The following LIMCH1 variants were observed in gnomAD, a reference collection of about 807,000 sequenced individuals.
LIMCH1 encodes LIM and calponin homology domains 1, also known as LIM and calponin homology domains-containing protein 1.
LIMCH1 carries 113 observed loss-of-function variants against 176.5 expected under a neutral mutation model. That is an observed-to-expected ratio of 0.64 (90% CI 0.55 to 0.75). LIMCH1 has a LOEUF of 0.75. Among genes scored for constraint, LIMCH1 ranks in the 30% least tolerant of loss-of-function variants. The pLI is 0.00. For synonymous variants in LIMCH1, 619 were observed against 645.9 expected (o/e 0.96, Z 0.63); for missense variants, 1,674 against 1,814.9 (o/e 0.92, Z 1.41).
At chr4:41,609,451 G>C (rs1016681727) in intron 4 of LIMCH1, among the ~76,000 whole-genome samples, 4 of 152,160 alleles carry the variant, frequency 2.6e-5, no homozygotes, top group African/African-American at 9.7e-5. Flanking sequence ...CAACCAGAGG[G>C]TGGTGGGTGG....
At chr4:41,548,870 G>A (rs954638848) in intron 1 of LIMCH1, among the ~76,000 whole-genome samples, 1 of 152,158 alleles carries the variant, frequency 6.6e-6, no homozygotes, top group Non-Finnish European at 1.5e-5. Flanking sequence ...GACTGGAGGT[G>A]TAAAGAGCTG....
chr4:41,472,218 G>A (rs536671494), intron 1 of LIMCH1, among the ~76,000 whole-genome samples: 1 of 152,246 alleles, frequency 6.6e-6, no homozygotes, highest in East Asian at 1.9e-4. Flanking sequence ...TTTTTTTAAA[G>A]TACCATGTGT....
intron 2 of LIMCH1, among the ~76,000 whole-genome samples, chr4:41,500,190 T>TA (rs1179646894): frequency 6.6e-6 from 1 of 152,252 alleles, no homozygotes; most frequent in East Asian, 1.9e-4. Flanking sequence ...CTGTGAAAGA[T>TA]ACTCAAGTTG....
chr4:41,371,917 G>A (rs1446275601), intron 1 of LIMCH1, among the ~76,000 whole-genome samples: 5 of 152,212 alleles, frequency 3.3e-5, no homozygotes, highest in Admixed American at 6.5e-5. Flanking sequence ...GGAAATAAGA[G>A]AAGCATGCTT....
At chr4:41,697,130 C>CTTGTTTGTTG in intron 31 of LIMCH1, 30 bp from the exon 32 acceptor site, 1 of 1,612,768 alleles carries the variant, frequency 6.2e-7, no homozygotes. Context: ...GCCTACCACT[C>CTTGTTTGTTG]TTGTTTGTTG....
intron 1 of LIMCH1, among the ~76,000 whole-genome samples, chr4:41,568,285 C>A (rs2152574001): frequency 6.6e-6 from 1 of 152,298 alleles, no homozygotes; most frequent in East Asian, 1.9e-4. Flanking sequence ...ACTAAGAAAG[C>A]TTTCCTATCA....
In LIMCH1 at chr4:41,689,456, T is replaced by G. The variant is rs1723623093; in HGVS notation, c.4167-71T>G. 6 of 805,140 alleles carry G rather than the reference T, an allele frequency of 7.5e-6. No individual in the cohort carries two copies. The South Asian group carries it at 8.4e-5, about 11-fold the overall frequency. 49.9% of individuals were successfully genotyped at this position (805,140 alleles called of 1,614,324 possible). A position where few individuals can be genotyped will look rare whatever the true frequency, so the allele number is the denominator to read the frequency against. ...TCCATATTTTCATTTTTGCATGAGG[T>G]TACATGTCTGTGTGTTTGACCAGGT... On this transcript the variant is annotated intron_variant, in intron 29 of 31. Coordinates refer to ENST00000503057, the MANE Select transcript of LIMCH1 (RefSeq NM_001330672.2).
chr4:41,430,534 T>G (rs1478435013), intron 1 of LIMCH1, among the ~76,000 whole-genome samples: 1 of 152,244 alleles, frequency 6.6e-6, no homozygotes, highest in Non-Finnish European at 1.5e-5. Context: ...AGTGCTGGGA[T>G]TACAGGCTTG....
chr4:41,600,384 G>A (rs1032618629), intron 2 of LIMCH1, among the ~76,000 whole-genome samples: 2 of 152,130 alleles, frequency 1.3e-5, no homozygotes, highest in Non-Finnish European at 2.9e-5. Context: ...CGGGTGGCAA[G>A]TGACCAGAAA....
chr4:41,613,502 C>G lies in LIMCH1; in HGVS notation c.46C>G (p.Arg16Gly). 1 of 1,614,070 alleles carries G rather than the reference C, an allele frequency of 6.2e-7. No homozygotes were observed. Residue 16 changes from arginine to glycine, a missense_variant, in exon 5 of 32, where the codon CGA becomes GGA. By Grantham distance (125) the Arg-to-Gly change is moderately radical (BLOSUM62 -2). Coordinates refer to ENST00000503057, the MANE Select transcript of LIMCH1 (RefSeq NM_001330672.2). ...CATTGAAAGTCCTAAACGCAGTATC[C>G]GAGACAGTGGCTACATCGACTGCTG... ...DDIESPKRSI[R>G]DSGYIDCWDS... is the part of the protein sequence containing the mutation.
intron 2 of LIMCH1, chr4:41,524,313 C>A: frequency 1.1e-6 from 1 of 911,240 alleles, no homozygotes. Context: ...CACTGCTTTT[C>A]CTATCCAGCA....
rs2093408948 is a variant in LIMCH1 at position 41,633,071 on chromosome 4, C to G, written c.1815C>G (p.Asp605Glu). 6.5e-7 allele frequency: 1 copy of G among 1,534,738 alleles called. No homozygotes were observed. The highest frequency in any genetic ancestry group is 8.7e-7 in the Non-Finnish European group (1 of 1,146,204). ...ERLSKAERSE[D>E]SSQPLVCPLA... Reference sequence around the variant, plus strand: ...TGTCAAAGGCAGAAAGATCAGAGGACAGCAGCCAGCCACTGTGAGCATCTT... The same window carrying G: ...TGTCAAAGGCAGAAAGATCAGAGGAGAGCAGCCAGCCACTGTGAGCATCTT... Residue 605 changes from aspartate to glutamate, a missense_variant, in exon 12 of 32, where the codon GAC becomes GAG. Transcript: ENST00000503057.
intron 1 of LIMCH1, among the ~76,000 whole-genome samples, chr4:41,361,737 C>G (rs1048904185): frequency 9.8e-5 from 15 of 152,334 alleles, no homozygotes; most frequent in African/African-American, 3.6e-4. Context: ...TTCACGATGT[C>G]TATCAGTAGA....
intron 22 of LIMCH1, 22 bp downstream of exon 22, chr4:41,671,616 A>G (rs1279768548): frequency 6.6e-7 from 1 of 1,514,636 alleles, no homozygotes; most frequent in African/African-American, 1.4e-5. Flanking sequence ...ATTTTAAGGA[A>G]TAAGATTATG....
chr4:41,654,333 G>A (rs914654853), intron 18 of LIMCH1, among the ~76,000 whole-genome samples: 1 of 152,062 alleles, frequency 6.6e-6, no homozygotes, highest in East Asian at 1.9e-4. Flanking sequence ...AGATCACGAG[G>A]GTAAACAACC....
At position 41,575,456 on chromosome 4, in the gene LIMCH1, CTG is replaced by C. The variant is rs1397857437; in HGVS notation, c.-240-23462_-240-23461del. Among the ~76,000 whole-genome samples the C allele has an allele frequency of 5.3e-5, 8 of 152,244 alleles. 1 individual carries two copies. In the East Asian group the frequency reaches 1.5e-3, roughly 29 times the overall value. ...TTCTTTTGGAAATAATTTTCAAACA[CTG>C]TTTCATCATGCGGATATGACATTCT... On this transcript the variant is annotated intron_variant, in intron 1 of 31. Coordinates refer to ENST00000503057, the MANE Select transcript of LIMCH1 (RefSeq NM_001330672.2).
intron 20 of LIMCH1, among the ~76,000 whole-genome samples, chr4:41,665,348 C>CT (rs2152991972): frequency 6.6e-6 from 1 of 152,270 alleles, no homozygotes; most frequent in African/African-American, 2.4e-5. Flanking sequence ...AGGTTAATGA[C>CT]TGGTGGGTTG....
At chr4:41,692,621 T>TCAAAA in intron 31 of LIMCH1, 1 of 412,856 alleles carries the variant, frequency 2.4e-6, no homozygotes, top group Non-Finnish European at 4.4e-6. Context: ...CACCAGCAGG[T>TCAAAA]CAAAACATTG....
intron 2 of LIMCH1, among the ~76,000 whole-genome samples, chr4:41,514,939 A>G (rs1024860229): frequency 1.3e-5 from 2 of 152,160 alleles, no homozygotes; most frequent in Admixed American, 1.3e-4. Context: ...AACCCAAACC[A>G]CATCTGAGAT....
Sources: gnomAD v4.1 joint callset for allele counts (sites outside exome capture counted in the v4.1 genomes callset) on GRCh38, gnomAD v4.1.1 for gene constraint, MANE v1.5 for transcripts, NCBI Gene and HGNC (gene_info 2026-07-23, HGNC 2026-07-21) for gene names.